SYT8: variants seen among roughly 807,000 people sequenced by gnomAD.
SYT8 encodes the protein synaptotagmin-8.
SYT8 carries 50 observed loss-of-function variants against 34.9 expected under a neutral mutation model. The ratio of observed to expected loss-of-function variants is 1.43; its 90% CI spans 1.14 to 1.81. The LOEUF (loss-of-function observed/expected upper bound fraction) is 1.81, where lower values mean the gene tolerates loss of function less well. Among genes scored for constraint, SYT8 ranks in the 40% most tolerant of loss-of-function variants. The pLI is 0.00. For missense variants in SYT8, 595 were observed against 529.0 expected (o/e 1.12, Z -1.22); for synonymous variants, 255 against 234.2 (o/e 1.09, Z -0.81).
chr11:1,836,034 G>GGGT, intron 3 of SYT8, 50 bp downstream of exon 3: 1 of 1,588,094 alleles, frequency 6.3e-7, no homozygotes, highest in East Asian at 2.2e-5. Flanking sequence ...TTTCCGGAAA[G>GGGT]GGTGACGGGG....
At chr11:1,834,745 T>C (rs1846808510), upstream of SYT8, 3 of 913,212 alleles carry the variant, frequency 3.3e-6, no homozygotes, top group Admixed American at 7.5e-5. This position sits in a 1 kb window ranked among gnomAD's most constrained non-coding sequence, Gnocchi z 4.5. Context: ...GGGAGAGAGC[T>C]TCCTGGTGGA....
rs367768006 is a variant in SYT8 at position 1,835,285 on chromosome 11, C to T, written c.95-11C>T. ...TGTCCACAGATGCACTCAGCCTGGC[C>T]TCTACCCCAGGGCCCCGCTGGGCTC... On this transcript the variant is annotated splice_polypyrimidine_tract_variant and intron_variant, in intron 1 of 7. Coordinates refer to ENST00000341958, the MANE Select transcript of SYT8 (RefSeq NM_001394072.1). 3 of 1,600,182 alleles carry T rather than the reference C, an allele frequency of 1.9e-6. No homozygotes were observed. The highest frequency in any genetic ancestry group is 2.6e-6 in the Non-Finnish European group (3 of 1,171,538).
At position 1,836,001 on chromosome 11, in the gene SYT8, C is replaced by T. The variant is rs1207389847; in HGVS notation, c.357+17C>T. On this transcript the variant is annotated intron_variant, in intron 3 of 7. Coordinates refer to ENST00000341958, the MANE Select transcript of SYT8 (RefSeq NM_001394072.1). ...AGCCAGGAGGTGAAGGGCCCCGCTG[C>T]GCAGGACCAGCGGTTCTGCGAGTTT... is the stretch of plus-strand genomic sequence containing the variant. The T allele has an allele frequency of 3.7e-6, 6 of 1,601,294 alleles. No individual in the cohort carries two copies. The highest frequency in any genetic ancestry group is 4.5e-5 in the East Asian group (2 of 44,748).
chr11:1,834,602 G>A (rs776954341), upstream of SYT8: 12 of 1,587,798 alleles, frequency 7.6e-6, no homozygotes, highest in Middle Eastern at 1.7e-4. This position sits in a 1 kb window ranked among gnomAD's most constrained non-coding sequence, Gnocchi z 4.5. Flanking sequence ...GCAAACCATG[G>A]TGGGCCCCAG....
rs1394298455 is a variant in SYT8 at position 1,837,055 on chromosome 11, G to T, written c.889G>T (p.Ala297Ser). The T allele has an allele frequency of 1.2e-6, 2 of 1,613,780 alleles. No individual in the cohort carries two copies. The highest frequency in any genetic ancestry group is 1.7e-6 in the Non-Finnish European group (2 of 1,180,016). ...CACGGCGGCCCCCTACTTCAATGAG[G>T]CCTTCACCTTCCTGGTGCCCTTCAG... ...KGTAAPYFNE[A>S]FTFLVPFSQV... The change falls in exon 7 of 8, where the codon GCC becomes TCC. Residue 297 changes from alanine (A) to serine (S), a missense_variant. By Grantham distance (99) the Ala-to-Ser change is moderately conservative (BLOSUM62 1). Transcript: ENST00000341958.
chr11:1,837,438 C>G lies in SYT8; in HGVS notation c.*7C>G. 1 of 1,604,908 alleles carries G rather than the reference C, an allele frequency of 6.2e-7. No homozygotes were observed. On this transcript the variant is annotated 3_prime_UTR_variant, in exon 8 of 8. Coordinates refer to ENST00000341958, the MANE Select transcript of SYT8 (RefSeq NM_001394072.1). The stretch of plus-strand genomic sequence containing the variant: ...GCCCTTGCCCCACTCCTGAATGCAC[C>G]ACATGCCTCTGTCTCCCCGCTGAGC...
upstream of SYT8, chr11:1,833,689 G>T (rs890047866): frequency 1.3e-5 from 2 of 152,374 alleles, no homozygotes; most frequent in African/African-American, 4.8e-5. Flanking sequence ...CTGGAACCTG[G>T]ACCCTCCCTC....
rs373950767 is a variant in SYT8, at chr11:1,836,918, G to A, written c.791-39G>A. The A allele has an allele frequency of 2.2e-5, 35 of 1,612,674 alleles. No individual in the cohort carries two copies. The African/African-American group carries it at 3.7e-4, about 17-fold the overall frequency. Reference sequence around the variant, plus strand: ...AGAGGGGGGGCCCGTGCTCAGCCCCGAGCCCTGGGATGCCCCTTCGGCAAC... The same window carrying A: ...AGAGGGGGGGCCCGTGCTCAGCCCCAAGCCCTGGGATGCCCCTTCGGCAAC... On this transcript the variant is annotated intron_variant, in intron 6 of 7. Transcript: ENST00000341958.
Position 1,835,136 on chromosome 11 carries a change from C to T in SYT8, c.31C>T (p.Pro11Ser). 8.1e-6 allele frequency: 13 copies of T among 1,613,372 alleles called. No individual in the cohort carries two copies. Among genetic ancestry groups the T allele is most frequent in the Non-Finnish European group, 9.3e-6 (11 of 1,179,916 alleles). MGHPPVSPSAPAPAGTTAIPG... is the reference protein window; with the variant it reads MGHPPVSPSASAPAGTTAIPG... ...GCACCCACCAGTCTCTCCCAGTGCC[C>T]CGGCCCCAGCTGGCACCACAGCTAT... The change falls in exon 1 of 8, where the codon CCG becomes TCG. Residue 11 changes from proline (P) to serine (S), a missense_variant. Physicochemically the swap from Pro to Ser is moderately conservative, Grantham distance 74. Transcript: ENST00000341958.
intron 6 of SYT8, 39 bp from the exon 7 acceptor site, chr11:1,836,918 G>C: frequency 1.9e-6 from 3 of 1,612,794 alleles, no homozygotes; most frequent in Non-Finnish European, 2.5e-6. Context: ...GCTCAGCCCC[G>C]AGCCCTGGGA....
chr11:1,832,401 T>C (rs1846699351), upstream of SYT8, among the ~76,000 whole-genome samples: 1 of 152,016 alleles, frequency 6.6e-6, no homozygotes, highest in Admixed American at 6.5e-5. Flanking sequence ...TGGGAAAACA[T>C]GGCGTGAACT....
upstream of SYT8, chr11:1,834,667 C>G: frequency 4.6e-6 from 7 of 1,517,636 alleles, no homozygotes; most frequent in Non-Finnish European, 6.3e-6. This position sits in a 1 kb window ranked among gnomAD's most constrained non-coding sequence, Gnocchi z 4.5. Flanking sequence ...AGAGATGAGA[C>G]CCCCAGGGAT....
In SYT8 at chr11:1,836,596, A is replaced by G. The variant is rs1276571878; in HGVS notation, c.684+4A>G. 1.2e-6 allele frequency: 2 copies of G among 1,610,116 alleles called. No individual in the cohort carries two copies. Among genetic ancestry groups the G allele is most frequent in the Non-Finnish European group, 8.5e-7 (1 of 1,178,822 alleles). On this transcript the variant is annotated splice_donor_region_variant and intron_variant, in intron 5 of 7. Coordinates refer to ENST00000341958, the MANE Select transcript of SYT8 (RefSeq NM_001394072.1). ...GGGCCCGCCGGCTGCCACTCAGGTG[A>G]GGTGCTGGTCACCAGGCCACAGCCC...
rs376865461 is a variant in SYT8, at chr11:1,835,077, C to T, written c.-29C>T. 1,456 of 1,610,682 alleles carry T rather than the reference C, an allele frequency of 9.0e-4. 35 individuals are homozygous for T. The South Asian group carries it at 0.015, about 16-fold the overall frequency. On this transcript the variant is annotated 5_prime_UTR_variant, in exon 1 of 8. Transcript: ENST00000341958. ...TCCCAGCTGACCCAGCCTCCTGGGC[C>T]GCTTCTTCCAAACCAGCAGGGTAGA...
chr11:1,835,844 A>G, intron 2 of SYT8, 42 bp from the exon 3 acceptor site: 2 of 1,544,096 alleles, frequency 1.3e-6, no homozygotes, highest in Non-Finnish European at 1.8e-6. Context: ...CTGATGAGGC[A>G]TGATGTCAGC....
At position 1,835,389 on chromosome 11, in the gene SYT8, A is replaced by G; in HGVS notation, c.188A>G (p.His63Arg). Residue 63 changes from histidine (H) to arginine (R), a missense_variant, in exon 2 of 8, where the codon CAC becomes CGC. Physicochemically the swap from His to Arg is conservative, Grantham distance 29. Transcript: ENST00000341958. ...LCAACCCCRR[H>R]RKKPRDKESV... ...GCTGCCTGCTGCTGCTGCCGCCGCC[A>G]CAGGAAGAAGCCCAGGGACAAGGAG... 6.2e-7 allele frequency: 1 copy of G among 1,608,908 alleles called. No homozygotes were observed. The highest frequency in any genetic ancestry group is 8.5e-7 in the Non-Finnish European group (1 of 1,179,332).
intron 5 of SYT8, 77 bp from the exon 6 acceptor site, chr11:1,836,679 G>A (rs1846954649): frequency 1.3e-6 from 2 of 1,592,552 alleles, no homozygotes; most frequent in South Asian, 1.1e-5. Flanking sequence ...GGCCTGATGG[G>A]CAGCATTTTC....
chr11:1,832,056 G>C (rs1846686111), upstream of SYT8, among the ~76,000 whole-genome samples: 1 of 152,208 alleles, frequency 6.6e-6, no homozygotes, highest in Non-Finnish European at 1.5e-5. Flanking sequence ...AATGGTGCCC[G>C]CCTTGGGCTA....
At chr11:1,834,759 C>T (rs146061585), upstream of SYT8, 1,257 of 829,600 alleles carry the variant, frequency 1.5e-3, 10 homozygotes, top group African/African-American at 0.019. The surrounding 1 kb of genome is among the most constrained non-coding windows in gnomAD (Gnocchi z 4.5). Context: ...TGGTGGAGGA[C>T]GCATCCTACA....
Sources: allele counts gnomAD v4.1 joint callset (sites outside exome capture counted in the v4.1 genomes callset), GRCh38; gene constraint gnomAD v4.1.1; non-coding constraint Gnocchi (gnomAD v3.1); transcripts MANE v1.5; gene names NCBI Gene and HGNC (gene_info 2026-07-23, HGNC 2026-07-21).